The following HMG20A variants were observed in gnomAD, a reference collection of about 807,000 sequenced individuals.
HMG20A encodes high mobility group 20A.
In HMG20A, 17 loss-of-function variants were observed where a neutral mutation model predicts 43.9. The ratio of observed to expected loss-of-function variants is 0.39; its 90% CI spans 0.27 to 0.58. The LOEUF (loss-of-function observed/expected upper bound fraction) is 0.58, where lower values mean the gene tolerates loss of function less well. Ranked by LOEUF, HMG20A falls within the 20% of genes least tolerant of loss-of-function variation. The probability of loss-of-function intolerance (pLI) is 0.59; values close to 1 mark genes in which losing one functional copy is unlikely to be tolerated. For synonymous variants in HMG20A, 132 were observed against 147.5 expected (o/e 0.89, Z 0.76); for missense variants, 341 against 438.2 (o/e 0.78, Z 1.98).
At chr15:77,508,752 T>C in the HMG20A span, among the ~76,000 whole-genome samples, 3 of 152,230 alleles carry the variant, frequency 2.0e-5, no homozygotes, top group African/African-American at 7.2e-5. Flanking sequence ...TTGGAGAAAT[T>C]ATCCATTTTT....
At chr15:77,450,043 T>C (rs1012456150) in intron 1 of HMG20A, among the ~76,000 whole-genome samples, 10 of 152,232 alleles carry the variant, frequency 6.6e-5, no homozygotes, top group African/African-American at 2.4e-4. Context: ...TCACAACATA[T>C]GGGTTGAGTT....
the HMG20A span, among the ~76,000 whole-genome samples, chr15:77,519,754 G>A: frequency 6.7e-3 from 1,014 of 152,310 alleles, 20 homozygotes; most frequent in African/African-American, 0.023. Flanking sequence ...TGTCATGGCA[G>A]GAAAGGACTG....
the HMG20A span, among the ~76,000 whole-genome samples, chr15:77,492,116 G>A: frequency 1.3e-5 from 2 of 152,122 alleles, no homozygotes; most frequent in African/African-American, 4.8e-5. Flanking sequence ...AAATTACAAA[G>A]GAAATCCACT....
intron 4 of HMG20A, 110 bp from the exon 5 acceptor site, chr15:77,470,800 T>C: frequency 1.1e-6 from 1 of 928,978 alleles, no homozygotes; most frequent in South Asian, 2.3e-5. Flanking sequence ...ATATTCCCTA[T>C]ATTCTTTTCT....
intron 1 of HMG20A, among the ~76,000 whole-genome samples, chr15:77,427,779 G>A (rs1320987806): frequency 1.3e-5 from 2 of 152,156 alleles, no homozygotes; most frequent in Non-Finnish European, 2.9e-5. Context: ...AGACCACACT[G>A]AGCCATAATT....
chr15:77,431,048 A>T (rs1287391629), intron 1 of HMG20A, among the ~76,000 whole-genome samples: 1 of 152,202 alleles, frequency 6.6e-6, no homozygotes, highest in Non-Finnish European at 1.5e-5. Context: ...AGTAAAAATA[A>T]AACTGTTGAA....
At chr15:77,496,443 C>T in the HMG20A span, among the ~76,000 whole-genome samples, 1 of 152,296 alleles carries the variant, frequency 6.6e-6, no homozygotes, top group Non-Finnish European at 1.5e-5. Flanking sequence ...CCTCCTCCAT[C>T]CAGTTTCTCC....
At chr15:77,476,531 A>T (rs2072858268) in intron 6 of HMG20A, among the ~76,000 whole-genome samples, 2 of 147,616 alleles carry the variant, frequency 1.4e-5, no homozygotes, top group Non-Finnish European at 3.0e-5. Flanking sequence ...TGACAAGAGT[A>T]GGAAAGATAC....
At chr15:77,425,554 CTG>C (rs1454688374) in intron 1 of HMG20A, among the ~76,000 whole-genome samples, 1 of 152,138 alleles carries the variant, frequency 6.6e-6, no homozygotes, top group African/African-American at 2.4e-5. Context: ...TCCTATATAA[CTG>C]GAGCTGTAAG....
At chr15:77,516,984 C>G in the HMG20A span, among the ~76,000 whole-genome samples, 21 of 152,308 alleles carry the variant, frequency 1.4e-4, no homozygotes, top group South Asian at 4.4e-3. Context: ...ATGGTGGCCT[C>G]ACCGTCCCGC....
chr15:77,451,762 G>T (rs2072604669), intron 1 of HMG20A, among the ~76,000 whole-genome samples: 1 of 152,082 alleles, frequency 6.6e-6, no homozygotes. Context: ...AGGGAAGGAG[G>T]TTAGGAACAG....
chr15:77,507,842 G>T, the HMG20A span, among the ~76,000 whole-genome samples: 1 of 151,968 alleles, frequency 6.6e-6, no homozygotes, highest in Non-Finnish European at 1.5e-5. Context: ...TAAAGATAGG[G>T]GGTTGGAGGA....
intron 1 of HMG20A, among the ~76,000 whole-genome samples, chr15:77,422,529 T>G (rs1055481484): frequency 6.6e-6 from 1 of 152,110 alleles, no homozygotes; most frequent in Non-Finnish European, 1.5e-5. Context: ...GGCAGGAGAA[T>G]TGCTTGAACC....
At chr15:77,475,432 G>C (rs780253638) in intron 6 of HMG20A, among the ~76,000 whole-genome samples, 39 of 152,242 alleles carry the variant, frequency 2.6e-4, no homozygotes, top group Non-Finnish European at 4.4e-5. Context: ...GATTTGGACT[G>C]CTCTGGCAAA....
At chr15:77,490,467 G>A (rs892740279), downstream of HMG20A, among the ~76,000 whole-genome samples, 27 of 152,190 alleles carry the variant, frequency 1.8e-4, no homozygotes, top group African/African-American at 5.3e-4. Context: ...GATATAGTTT[G>A]GGAGTATAAT....
At chr15:77,470,790 A>C (rs1305417948) in intron 4 of HMG20A, 120 bp from the exon 5 acceptor site, 1 of 796,412 alleles carries the variant, frequency 1.3e-6, no homozygotes, top group Non-Finnish European at 1.8e-6. Context: ...TTTTTAAGGC[A>C]TATTCCCTAT....
chr15:77,464,194 A>T, intron 2 of HMG20A, 46 bp from the exon 3 acceptor site: 1 of 1,601,282 alleles, frequency 6.2e-7, no homozygotes, highest in Admixed American at 1.7e-5. Flanking sequence ...AACCTTAGTA[A>T]ATAGGTGGAG....
chr15:77,515,096 T>C, the HMG20A span, among the ~76,000 whole-genome samples: 15 of 152,052 alleles, frequency 9.9e-5, no homozygotes, highest in East Asian at 2.9e-3. Context: ...CATGGTTGGG[T>C]TGAGTTTGAG....
At chr15:77,500,341 G>A in the HMG20A span, among the ~76,000 whole-genome samples, 1 of 152,178 alleles carries the variant, frequency 6.6e-6, no homozygotes, top group African/African-American at 2.4e-5. Context: ...ACCCATGTTC[G>A]AAAGTATTTA....
Sources: allele counts gnomAD v4.1 joint callset (sites outside exome capture counted in the v4.1 genomes callset), GRCh38; gene constraint gnomAD v4.1.1; transcripts MANE v1.5; gene names NCBI Gene and HGNC (gene_info 2026-07-23, HGNC 2026-07-21).